Variants in HSPG2 observed in about 807,000 individuals in gnomAD.
HSPG2 encodes the protein basement membrane-specific heparan sulfate proteoglycan core protein.
Under a neutral mutation model 526.6 loss-of-function variants are expected in HSPG2, and 278 were observed. The ratio of observed to expected loss-of-function variants is 0.53; its 90% CI spans 0.48 to 0.58. The LOEUF (loss-of-function observed/expected upper bound fraction) is 0.58, where lower values mean the gene tolerates loss of function less well. Among genes scored for constraint, HSPG2 ranks in the 20% least tolerant of loss-of-function variants. The pLI, the probability that HSPG2 is intolerant of heterozygous loss-of-function variation, is 0.00. For synonymous variants in HSPG2, 2,465 were observed against 2,555.4 expected (o/e 0.96, Z 1.07); for missense variants, 5,354 against 6,099.5 (o/e 0.88, Z 4.07).
rs1258845939 is a variant in HSPG2, at chr1:21,858,704, C to T, written c.5293+862G>A. On this transcript the variant is annotated intron_variant, in intron 42 of 96. Coordinates refer to ENST00000374695, the MANE Select transcript of HSPG2 (RefSeq NM_005529.7). This position sits in a 1 kb window ranked among gnomAD's most constrained non-coding sequence, Gnocchi z 4.2. Reference sequence around the variant, plus strand: ...CCGTGCCCACCTGCCTGACTTCTGCCAGCCACTGCACTTCTTTGCATTGAG... The same window carrying T: ...CCGTGCCCACCTGCCTGACTTCTGCTAGCCACTGCACTTCTTTGCATTGAG... 1.3e-5 allele frequency among the ~76,000 whole-genome samples: 2 copies of T among 152,230 alleles called. No individual in the cohort carries two copies. The highest frequency in any genetic ancestry group is 4.8e-5 in the African/African-American group (2 of 41,460).
intron 86 of HSPG2, 28 bp from the exon 87 acceptor site, chr1:21,829,632 A>G (rs2097993317): frequency 1.3e-6 from 2 of 1,576,876 alleles, no homozygotes; most frequent in East Asian, 2.3e-5. Context: ...CAGCTGAGGC[A>G]GTGGGGATCC....
chr1:21,835,982 T>TAAA (rs1316172888), intron 75 of HSPG2, among the ~76,000 whole-genome samples: 2 of 51,740 alleles, frequency 3.9e-5, no homozygotes, highest in African/African-American at 2.5e-4. Flanking sequence ...AGATTCCATC[T>TAAA]CAAAAAAAAA....
chr1:21,858,084 C>T lies in HSPG2; in HGVS notation c.5294-699G>A, dbSNP rs1289380307. 1.3e-5 allele frequency among the ~76,000 whole-genome samples: 2 copies of T among 152,254 alleles called. No homozygotes were observed. The highest frequency in any genetic ancestry group is 2.9e-5 in the Non-Finnish European group (2 of 68,048). On this transcript the variant is annotated intron_variant, in intron 42 of 96. Coordinates refer to ENST00000374695, the MANE Select transcript of HSPG2 (RefSeq NM_005529.7). The surrounding 1 kb of genome is among the most constrained non-coding windows in gnomAD (Gnocchi z 4.2). ...TGCTCTCGCAGTCAATGACCCACTT[C>T]CTGGCCTCCCTTCAGAGCCAAGACT...
In HSPG2 at chr1:21,914,961, G is replaced by A. The variant is rs7518738; in HGVS notation, c.64-18651C>T. On this transcript the variant is annotated intron_variant, in intron 1 of 96. Transcript: ENST00000374695. ...GCACCCAGAGCCCAGCCACAGCCAC[G>A]GCCTCTGTCCTGCACTCTGGTTCTG... is the stretch of plus-strand genomic sequence containing the variant. 2.1e-3 allele frequency among the ~76,000 whole-genome samples: 315 copies of A among 152,284 alleles called. 1 individual carries two copies. The highest frequency in any genetic ancestry group is 7.4e-3 in the African/African-American group (307 of 41,564).
In HSPG2 at chr1:21,890,342, T is replaced by A; in HGVS notation, c.413+85A>T. The A allele has an allele frequency of 1.4e-6, 2 of 1,407,410 alleles. No homozygotes were observed. Among genetic ancestry groups the A allele is most frequent in the Non-Finnish European group, 1.0e-6 (1 of 993,516 alleles). 87.2% of individuals were successfully genotyped at this position (1,407,410 alleles called of 1,614,324 possible). A position where few individuals can be genotyped will look rare whatever the true frequency, so the allele number is the denominator to read the frequency against. On this transcript the variant is annotated intron_variant, in intron 5 of 96. Transcript: ENST00000374695. This position sits in a 1 kb window ranked among gnomAD's most constrained non-coding sequence, Gnocchi z 4.1. Reference sequence around the variant, plus strand: ...ACTCATCCCATAGGCCTTTCCGCGGTGCCAGGCTTCCTTCCCATCCTCATC... The same window carrying A: ...ACTCATCCCATAGGCCTTTCCGCGGAGCCAGGCTTCCTTCCCATCCTCATC...
At chr1:21,840,087 C>T in intron 71 of HSPG2, 70 bp from the exon 72 acceptor site, 1 of 1,326,490 alleles carries the variant, frequency 7.5e-7, no homozygotes, top group East Asian at 2.3e-5. Flanking sequence ...CCAGCTCTGG[C>T]TTGGTCTTCC....
rs762169916 is a variant in HSPG2 at position 21,895,202 on chromosome 1, A to C, written c.244+720T>G. On this transcript the variant is annotated intron_variant, in intron 3 of 96. Coordinates refer to ENST00000374695, the MANE Select transcript of HSPG2 (RefSeq NM_005529.7). This position sits in a 1 kb window ranked among gnomAD's most constrained non-coding sequence, Gnocchi z 4.1. Reference sequence around the variant, plus strand: ...GGCCCTGGTCACAGATTGTCCCAGGAGCTGCCTCCCAGAGAGGGCAGTAGG... The same window carrying C: ...GGCCCTGGTCACAGATTGTCCCAGGCGCTGCCTCCCAGAGAGGGCAGTAGG... Among the ~76,000 whole-genome samples, 1 of 152,164 alleles carries C rather than the reference A, an allele frequency of 6.6e-6. No homozygotes were observed. Among genetic ancestry groups the C allele is most frequent in the Non-Finnish European group, 1.5e-5 (1 of 68,006 alleles).
chr1:21,900,134 C>T (rs1002350244), intron 1 of HSPG2, among the ~76,000 whole-genome samples: 4 of 152,218 alleles, frequency 2.6e-5, no homozygotes, highest in African/African-American at 7.2e-5. Flanking sequence ...CCCAGCACTT[C>T]AGGCATGTGT....
chr1:21,873,252 A>G, intron 30 of HSPG2, 123 bp downstream of exon 30: 1 of 1,264,438 alleles, frequency 7.9e-7, no homozygotes, highest in South Asian at 1.2e-5. Context: ...TCCTATCCCC[A>G]TTTTACAGAT....
intron 80 of HSPG2, chr1:21,832,930 GAA>G (rs1375794099): frequency 5.4e-6 from 3 of 559,078 alleles, no homozygotes; most frequent in Admixed American, 6.1e-5. Flanking sequence ...AGAGACGAGA[GAA>G]AGAGAGGAGG....
chr1:21,899,557 G>A (rs761467596), intron 1 of HSPG2, among the ~76,000 whole-genome samples: 10 of 152,030 alleles, frequency 6.6e-5, no homozygotes, highest in Admixed American at 5.2e-4. Flanking sequence ...CCTGGTGGTC[G>A]GGCTCCAATA....
At chr1:21,868,394 T>A (rs1299256300) in intron 33 of HSPG2, among the ~76,000 whole-genome samples, 1 of 152,128 alleles carries the variant, frequency 6.6e-6, no homozygotes, top group Non-Finnish European at 1.5e-5. Flanking sequence ...AGAGGCAATA[T>A]GAATACTCAT....
rs1638449292 is a variant in HSPG2, at chr1:21,846,536, G to A, written c.8228C>T (p.Thr2743Ile). 1.2e-6 allele frequency: 2 copies of A among 1,613,770 alleles called. No homozygotes were observed. Among genetic ancestry groups the A allele is most frequent in the Admixed American group, 1.7e-5 (1 of 60,028 alleles). ...SSSSHVAEGETLDLNCVVPGQ... is the reference protein window; with the variant it reads ...SSSSHVAEGEILDLNCVVPGQ... ...GGGGACCACGCAGTTCAGATCCAGG[G>A]TCTCCCCTTCGGCCACGTGTGAGGA... Residue 2743 changes from threonine to isoleucine, a missense_variant, in exon 63 of 97, where the codon ACC (threonine) becomes ATC (isoleucine). Coordinates refer to ENST00000374695, the MANE Select transcript of HSPG2 (RefSeq NM_005529.7).
Position 21,831,546 on chromosome 1 carries a change from A to G in HSPG2, c.11369T>C (p.Leu3790Pro). The G allele has an allele frequency of 6.2e-7, 1 of 1,614,130 alleles. No individual in the cohort carries two copies. Among genetic ancestry groups the G allele is most frequent in the South Asian group, 1.1e-5 (1 of 91,088 alleles). ...CAGGTAGAGTTCCTCGTTCAGATCC[A>G]GGCCCTGGAACTTGCCCTGGGGAGG... ...NGTSQGKFQG[L>P]DLNEELYLGG... Residue 3790 changes from leucine (L) to proline (P), a missense_variant, in exon 83 of 97, where the codon CTG (leucine) becomes CCG (proline). By Grantham distance (98) the Leu-to-Pro change is moderately conservative (BLOSUM62 -3). Transcript: ENST00000374695.
intron 42 of HSPG2, among the ~76,000 whole-genome samples, chr1:21,857,966 C>T (rs895431695): frequency 3.9e-5 from 6 of 152,208 alleles, no homozygotes; most frequent in Admixed American, 6.5e-5. Context: ...CTTCTGCTCT[C>T]GCAACATCAG....
At chr1:21,837,407 A>C (rs1009837758) in intron 74 of HSPG2, among the ~76,000 whole-genome samples, 1 of 151,324 alleles carries the variant, frequency 6.6e-6, no homozygotes, top group African/African-American at 2.4e-5. Context: ...CAGCCTCCCG[A>C]GTAGCTGAGA....
chr1:21,879,627 C>T (rs970792846), intron 17 of HSPG2, among the ~76,000 whole-genome samples: 14 of 150,654 alleles, frequency 9.3e-5, no homozygotes, highest in African/African-American at 3.4e-4. Context: ...GGGCCAACAC[C>T]TCCCTTGTCT....
Position 21,878,237 on chromosome 1 carries a change from G to A in HSPG2, c.2634C>T (p.Arg878=). Residue 878 remains arginine, a synonymous_variant, in exon 21 of 97, where the codon CGC becomes CGT. Coordinates refer to ENST00000374695, the MANE Select transcript of HSPG2 (RefSeq NM_005529.7). ...KCRPVNQEIV[R]CDERGSMGTS... ...TCCCCATGCTGCCACGCTCGTCACAGCGCACAATCTCCTGGTCTGGGACAC... is the reference window on the plus strand; with the variant it reads ...TCCCCATGCTGCCACGCTCGTCACAACGCACAATCTCCTGGTCTGGGACAC... The A allele has an allele frequency of 6.2e-7, 1 of 1,614,048 alleles. No individual in the cohort carries two copies. Among genetic ancestry groups the A allele is most frequent in the Non-Finnish European group, 8.5e-7 (1 of 1,180,028 alleles).
In HSPG2 at chr1:21,829,604, C is replaced by T; in HGVS notation, c.11771G>A (p.Gly3924Asp). The stretch of plus-strand genomic sequence containing the variant: ...CAGCGAGGGGGTGGTCACTGTCACA[C>T]CTGCAGCAGCCACAGCTCAGCTGAG... ...LGRSGLRCEEGVTVTTPSLSG... is the reference protein window; with the variant it reads ...LGRSGLRCEEDVTVTTPSLSG... The change falls in exon 87 of 97, where the codon GGT becomes GAT. Residue 3924 changes from glycine (G) to aspartate (D), a missense_variant and splice_region_variant. Transcript: ENST00000374695. 3.7e-6 allele frequency: 6 copies of T among 1,601,886 alleles called. No individual in the cohort carries two copies. Among genetic ancestry groups the T allele is most frequent in the South Asian group, 2.2e-5 (2 of 90,488 alleles).
Sources: allele counts gnomAD v4.1 joint callset (sites outside exome capture counted in the v4.1 genomes callset), GRCh38; gene constraint gnomAD v4.1.1; non-coding constraint Gnocchi (gnomAD v3.1); transcripts MANE v1.5; gene names NCBI Gene and HGNC (gene_info 2026-07-23, HGNC 2026-07-21).